ANTXR1: variants seen among roughly 807,000 people sequenced by gnomAD.
The protein encoded by ANTXR1 is anthrax toxin receptor 1.
Under a neutral mutation model 78.1 loss-of-function variants are expected in ANTXR1, and 19 were observed. The observed-to-expected ratio is 0.24, with a 90% confidence interval of 0.17 to 0.36. The LOEUF is 0.36. Among genes scored for constraint, ANTXR1 ranks in the 10% least tolerant of loss-of-function variants. The probability of loss-of-function intolerance (pLI) is 1.00; values close to 1 mark genes in which losing one functional copy is unlikely to be tolerated. For synonymous variants in ANTXR1, 273 were observed against 260.5 expected (o/e 1.05, Z -0.46); for missense variants, 518 against 718.6 (o/e 0.72, Z 3.19).
chr2:69,236,387 T>C (rs1248025479), intron 17 of ANTXR1, among the ~76,000 whole-genome samples: 1 of 152,192 alleles, frequency 6.6e-6, no homozygotes, highest in Non-Finnish European at 1.5e-5. Flanking sequence ...CACACACATT[T>C]TAAAAACTTT....
chr2:69,184,694 T>C (rs929400084), intron 16 of ANTXR1, among the ~76,000 whole-genome samples: 1 of 152,182 alleles, frequency 6.6e-6, no homozygotes, highest in Non-Finnish European at 1.5e-5. Flanking sequence ...AATAAGTATA[T>C]GGGCCAATAC....
At chr2:69,085,906 A>G (rs1671034820) in intron 8 of ANTXR1, among the ~76,000 whole-genome samples, 1 of 152,242 alleles carries the variant, frequency 6.6e-6, no homozygotes, top group African/African-American at 2.4e-5. Context: ...AGACAACTGA[A>G]CAGATGTAAA....
At chr2:69,053,341 A>G in intron 3 of ANTXR1, among the ~76,000 whole-genome samples, 1 of 152,170 alleles carries the variant, frequency 6.6e-6, no homozygotes, top group Non-Finnish European at 1.5e-5. Context: ...CAGTCTTTCC[A>G]AGGCAAAGAG....
In ANTXR1 at chr2:69,021,007, C is replaced by T. The variant is rs75873515; in HGVS notation, c.152+7356C>T. The stretch of plus-strand genomic sequence containing the variant: ...GTTTTTATGGAGAAAAGTTAGAGGA[C>T]TCTAGGCAGCCAGAGCTAAAGGCTT... On this transcript the variant is annotated intron_variant, in intron 1 of 17. Coordinates refer to ENST00000303714, the MANE Select transcript of ANTXR1 (RefSeq NM_032208.3). Among the ~76,000 whole-genome samples the T allele has an allele frequency of 3.5e-4, 53 of 152,270 alleles. No individual in the cohort carries two copies. In the East Asian group the frequency reaches 0.01, roughly 29 times the overall value.
intron 12 of ANTXR1, among the ~76,000 whole-genome samples, chr2:69,133,112 C>T (rs1672804715): frequency 6.6e-6 from 1 of 152,184 alleles, no homozygotes; most frequent in South Asian, 2.1e-4. Flanking sequence ...TTCACCCCTT[C>T]TGCAAAGCGA....
rs762081979 is a variant in ANTXR1, at chr2:69,170,311, G to T, written c.1089+22G>T. On this transcript the variant is annotated intron_variant, in intron 14 of 17. Coordinates refer to ENST00000303714, the MANE Select transcript of ANTXR1 (RefSeq NM_032208.3). ...TGAGGTAAGTGACCACAGCAGGATGGCAGTGGGTGGGCAGGGTGGCAGAGT... is the reference window on the plus strand; with the variant it reads ...TGAGGTAAGTGACCACAGCAGGATGTCAGTGGGTGGGCAGGGTGGCAGAGT... 5.6e-6 allele frequency: 9 copies of T among 1,613,592 alleles called. No homozygotes were observed. The East Asian group carries it at 6.7e-5, about 12-fold the overall frequency.
Position 69,218,491 on chromosome 2 carries a change from T to G in ANTXR1, c.1434+25076T>G, listed in dbSNP as rs374355354. 6.8e-4 allele frequency among the ~76,000 whole-genome samples: 104 copies of G among 152,250 alleles called. 1 individual carries two copies. The South Asian group carries it at 0.021, about 30-fold the overall frequency. On this transcript the variant is annotated intron_variant, in intron 17 of 17. Coordinates refer to ENST00000303714, the MANE Select transcript of ANTXR1 (RefSeq NM_032208.3). ...CCAGGAATTCAAACTGCTTGGAAAA[T>G]GCAGGTGTAGTTAGCCCTTTTCACT...
intron 6 of ANTXR1, among the ~76,000 whole-genome samples, chr2:69,073,587 A>G (rs1256890881): frequency 1.3e-5 from 2 of 152,202 alleles, no homozygotes; most frequent in African/African-American, 2.4e-5. Context: ...TTAAATTGTC[A>G]TCTCTCTTTT....
At chr2:69,154,437 A>G (rs13384676) in intron 13 of ANTXR1, among the ~76,000 whole-genome samples, 87,479 of 152,078 alleles carry the variant, frequency 0.58, 27,746 homozygotes, top group East Asian at 0.9. Flanking sequence ...GTGATGCTCC[A>G]GAGCAGGGCA....
intron 1 of ANTXR1, among the ~76,000 whole-genome samples, chr2:69,017,113 C>T (rs907438058): frequency 2.6e-5 from 4 of 152,186 alleles, no homozygotes; most frequent in African/African-American, 4.8e-5. Context: ...TGCGGTAGTG[C>T]ACACTCCACC....
intron 12 of ANTXR1, among the ~76,000 whole-genome samples, chr2:69,147,924 G>A (rs1558599593): frequency 6.6e-6 from 1 of 152,138 alleles, no homozygotes. Context: ...GTGGTTAGCT[G>A]TTGTTAAGTA....
At chr2:69,135,974 C>CA (rs1269502696) in intron 12 of ANTXR1, among the ~76,000 whole-genome samples, 24 of 152,142 alleles carry the variant, frequency 1.6e-4, no homozygotes, top group Middle Eastern at 3.4e-3. Context: ...AGACTAATGA[C>CA]AAAAATATCA....
intron 2 of ANTXR1, 149 bp from the exon 3 acceptor site, chr2:69,044,593 C>A (rs1284710256): frequency 1.2e-5 from 9 of 775,412 alleles, no homozygotes; most frequent in Non-Finnish European, 2.1e-5. Context: ...TAATCAACAC[C>A]CGCAGCACCA....
At chr2:69,126,413 G>A (rs1405246036) in intron 12 of ANTXR1, among the ~76,000 whole-genome samples, 1 of 152,174 alleles carries the variant, frequency 6.6e-6, no homozygotes, top group Non-Finnish European at 1.5e-5. Context: ...TTTAAAAACT[G>A]TATGCAGAAG....
At chr2:69,187,054 C>T (rs1443200613) in intron 16 of ANTXR1, among the ~76,000 whole-genome samples, 1 of 152,238 alleles carries the variant, frequency 6.6e-6, no homozygotes, top group Non-Finnish European at 1.5e-5. Flanking sequence ...GAATCGTGTA[C>T]TTACTGAATT....
rs549514212 is a variant in ANTXR1 at position 69,247,951 on chromosome 2, G to A, written c.*2466G>A. On this transcript the variant is annotated 3_prime_UTR_variant, in exon 18 of 18. Coordinates refer to ENST00000303714, the MANE Select transcript of ANTXR1 (RefSeq NM_032208.3). ...ATGATGATTTTGAAAAGGCTCAGCA[G>A]GATTTGTTCTTAAACCGACTCAGTG... The A allele has an allele frequency of 6.5e-6, 1 of 154,068 alleles. No individual in the cohort carries two copies. Among genetic ancestry groups the A allele is most frequent in the Admixed American group, 6.5e-5 (1 of 15,302 alleles). 9.5% of individuals were successfully genotyped at this position (154,068 alleles called of 1,614,324 possible).
intron 3 of ANTXR1, among the ~76,000 whole-genome samples, chr2:69,054,034 A>G (rs1670002310): frequency 6.6e-6 from 1 of 152,176 alleles, no homozygotes; most frequent in African/African-American, 2.4e-5. Flanking sequence ...ATGTGTTTAT[A>G]TCTAAATATA....
chr2:69,193,395 C>T lies in ANTXR1; in HGVS notation c.1414C>T (p.Arg472Cys). 6 of 1,612,826 alleles carry T rather than the reference C, an allele frequency of 3.7e-6. No homozygotes were observed. The highest frequency in any genetic ancestry group is 2.2e-5 in the East Asian group (1 of 44,784). ...RKGYDRVSVM[R>C]PQPGDTGRCI... The stretch of plus-strand genomic sequence containing the variant: ...AGGATATGATCGTGTGTCTGTGATG[C>T]GTCCACAGCCAGGAGACACGGTAGG... Residue 472 changes from arginine (R) to cysteine (C), a missense_variant, in exon 17 of 18, where the codon CGT (arginine) becomes TGT (cysteine). Arg to Cys is a radical substitution (Grantham distance 180, BLOSUM62 -3). Around this residue, in one of 5 missense-constraint regions of ANTXR1, gnomAD observed 192 missense variants for 230.2 expected, o/e 0.83. Coordinates refer to ENST00000303714, the MANE Select transcript of ANTXR1 (RefSeq NM_032208.3).
At chr2:69,076,687 G>C (rs1670742907) in intron 7 of ANTXR1, among the ~76,000 whole-genome samples, 2 of 152,252 alleles carry the variant, frequency 1.3e-5, no homozygotes, top group African/African-American at 4.8e-5. Context: ...AGTAACGTTT[G>C]TTTTCTTTTT....
Sources: gnomAD v4.1 joint callset for allele counts (sites outside exome capture counted in the v4.1 genomes callset) on GRCh38, gnomAD v4.1.1 for gene constraint, gnomAD v4.1.1 regional missense constraint, MANE v1.5 for transcripts, NCBI Gene and HGNC (gene_info 2026-07-23, HGNC 2026-07-21) for gene names.